ETV6: variants seen among roughly 807,000 people sequenced by gnomAD.
ETV6 encodes transcription factor ETV6.
Under a neutral mutation model 51.1 loss-of-function variants are expected in ETV6, and 16 were observed. That is an observed-to-expected ratio of 0.31 (90% CI 0.21 to 0.48). ETV6 has a LOEUF of 0.48. ETV6 is among the 20% of genes least tolerant of loss of function. The pLI, the probability that ETV6 is intolerant of heterozygous loss-of-function variation, is 0.99. For synonymous variants in ETV6, 240 were observed against 224.1 expected (o/e 1.07, Z -0.64); for missense variants, 458 against 594.8 (o/e 0.77, Z 2.39).
chr12:11,710,479 ATCT>A (rs1192986595), intron 1 of ETV6, among the ~76,000 whole-genome samples: 3 of 152,204 alleles, frequency 2.0e-5, no homozygotes, highest in African/African-American at 7.2e-5. Context: ...AACTACTATC[ATCT>A]TGTTCATTTT....
intron 2 of ETV6, among the ~76,000 whole-genome samples, chr12:11,775,158 A>G (rs536323452): frequency 4.6e-5 from 7 of 152,332 alleles, no homozygotes; most frequent in East Asian, 1.9e-4. Flanking sequence ...TTTCACTGTT[A>G]ATAATTGGGA....
At chr12:11,860,327 C>T (rs560360642) in intron 4 of ETV6, among the ~76,000 whole-genome samples, 2 of 152,242 alleles carry the variant, frequency 1.3e-5, no homozygotes, top group South Asian at 2.1e-4. Context: ...ATATTAACCA[C>T]GGAATACATG....
intron 1 of ETV6, among the ~76,000 whole-genome samples, chr12:11,673,676 C>T (rs999202112): frequency 2.0e-5 from 3 of 152,216 alleles, no homozygotes; most frequent in African/African-American, 7.2e-5. Context: ...TGCCCAAATA[C>T]ATCAGTTTCT....
intron 1 of ETV6, among the ~76,000 whole-genome samples, chr12:11,672,789 C>T (rs1864344894): frequency 6.6e-6 from 1 of 152,196 alleles, no homozygotes; most frequent in Non-Finnish European, 1.5e-5. Flanking sequence ...AAAGGGACCA[C>T]TTGGCAGTAT....
At chr12:11,836,144 G>C (rs1187600169) in intron 2 of ETV6, among the ~76,000 whole-genome samples, 1 of 152,176 alleles carries the variant, frequency 6.6e-6, no homozygotes, top group Admixed American at 6.5e-5. Context: ...TAACACACAA[G>C]GTCTTAAGGG....
At chr12:11,799,291 A>G (rs1192610197) in intron 2 of ETV6, among the ~76,000 whole-genome samples, 3 of 152,176 alleles carry the variant, frequency 2.0e-5, no homozygotes, top group African/African-American at 4.8e-5. Flanking sequence ...ACTGCCATCC[A>G]TCTTTCACAG....
chr12:11,674,898 G>A (rs1188866015), intron 1 of ETV6, among the ~76,000 whole-genome samples: 1 of 152,130 alleles, frequency 6.6e-6, no homozygotes, highest in African/African-American at 2.4e-5. Flanking sequence ...TAAGGATGAC[G>A]GGTAAATCTG....
At chr12:11,684,999 C>T (rs961660834) in intron 1 of ETV6, among the ~76,000 whole-genome samples, 5 of 152,040 alleles carry the variant, frequency 3.3e-5, no homozygotes, top group African/African-American at 4.8e-5. Flanking sequence ...TATTCCAGGT[C>T]GGTGGTCAGG....
chr12:11,804,081 A>G (rs1194981301), intron 2 of ETV6, among the ~76,000 whole-genome samples: 5 of 152,130 alleles, frequency 3.3e-5, no homozygotes, highest in Non-Finnish European at 7.4e-5. Flanking sequence ...TTTTTTTGCT[A>G]TTCTGTAAAT....
At chr12:11,866,666 G>A (rs1277839184) in intron 4 of ETV6, among the ~76,000 whole-genome samples, 1 of 152,200 alleles carries the variant, frequency 6.6e-6, no homozygotes, top group Non-Finnish European at 1.5e-5. Flanking sequence ...ACAGCCTGAA[G>A]TGTTTACAGA....
chr12:11,663,329 A>C (rs540873251), intron 1 of ETV6, among the ~76,000 whole-genome samples: 2 of 152,196 alleles, frequency 1.3e-5, no homozygotes, highest in Admixed American at 6.5e-5. Flanking sequence ...AGCTGACACA[A>C]TGCCTTTATG....
At chr12:11,691,518 CAT>C (rs1864763086) in intron 1 of ETV6, among the ~76,000 whole-genome samples, 1 of 152,210 alleles carries the variant, frequency 6.6e-6, no homozygotes, top group African/African-American at 2.4e-5. Flanking sequence ...GACATACACA[CAT>C]AAAAAGTATG....
intron 2 of ETV6, among the ~76,000 whole-genome samples, chr12:11,784,445 C>A (rs1397496006): frequency 1.7e-5 from 2 of 115,394 alleles, no homozygotes; most frequent in East Asian, 4.9e-4. Flanking sequence ...GGTGACACAG[C>A]GAGACTCCAT....
chr12:11,675,826 G>A (rs750426630), intron 1 of ETV6, among the ~76,000 whole-genome samples: 1 of 151,586 alleles, frequency 6.6e-6, no homozygotes, highest in Non-Finnish European at 1.5e-5. Context: ...AAACAAAAAG[G>A]AAGGAAGGAA....
At chr12:11,842,407 T>TACACACACACACACACACACACACAC (rs6144615) in intron 3 of ETV6, among the ~76,000 whole-genome samples, 1 of 147,832 alleles carries the variant, frequency 6.8e-6, no homozygotes, top group African/African-American at 2.5e-5. Flanking sequence ...TTGACACAGA[T>TACACACACACACACACACACACACAC]ACACACACAC....
intron 5 of ETV6, among the ~76,000 whole-genome samples, chr12:11,883,887 T>C (rs16907480): frequency 0.055 from 8,436 of 152,206 alleles, 790 homozygotes; most frequent in African/African-American, 0.19. Context: ...CCAAGCCACA[T>C]AGTTTTTCTT....
At chr12:11,839,741 G>A (rs146878643) in intron 3 of ETV6, among the ~76,000 whole-genome samples, 79 of 152,288 alleles carry the variant, frequency 5.2e-4, no homozygotes, top group African/African-American at 1.9e-3. Flanking sequence ...TTAGCTGAGT[G>A]TGGTGGTGTA....
intron 2 of ETV6, among the ~76,000 whole-genome samples, chr12:11,766,600 G>A (rs1360111220): frequency 5.3e-5 from 8 of 152,176 alleles, no homozygotes; most frequent in Admixed American, 3.3e-4. Context: ...CAGCCAGGCC[G>A]GGAGCCTGTT....
chr12:11,799,439 G>A (rs557428999), intron 2 of ETV6, among the ~76,000 whole-genome samples: 1 of 152,300 alleles, frequency 6.6e-6, no homozygotes, highest in Non-Finnish European at 1.5e-5. Flanking sequence ...CTCTTGATTA[G>A]CTTCTAGAAT....
Sources: gnomAD v4.1 joint callset for allele counts (sites outside exome capture counted in the v4.1 genomes callset) on GRCh38, gnomAD v4.1.1 for gene constraint, MANE v1.5 for transcripts, NCBI Gene and HGNC (gene_info 2026-07-23, HGNC 2026-07-21) for gene names.